The following CEP112 variants were observed in gnomAD, a reference collection of about 807,000 sequenced individuals.
CEP112 encodes centrosomal protein 112.
CEP112 carries 127 observed loss-of-function variants against 153.0 expected under a neutral mutation model. The ratio of observed to expected loss-of-function variants is 0.83; its 90% CI spans 0.72 to 0.96. CEP112 has a LOEUF of 0.96. CEP112 is among the 40% of genes least tolerant of loss of function. CEP112 has a pLI of 0.00. For missense variants in CEP112, 1,089 were observed against 1,101.2 expected (o/e 0.99, Z 0.16); for synonymous variants, 358 against 374.4 (o/e 0.96, Z 0.51).
At chr17:66,152,162 G>A (rs1000020278) in intron 4 of CEP112, among the ~76,000 whole-genome samples, 2 of 152,120 alleles carry the variant, frequency 1.3e-5, no homozygotes, top group African/African-American at 4.8e-5. Context: ...TGTGTGTAGT[G>A]TGCTAAAGAC....
chr17:65,984,122 T>G (rs1156762084), intron 17 of CEP112, among the ~76,000 whole-genome samples: 2 of 152,312 alleles, frequency 1.3e-5, no homozygotes, highest in East Asian at 3.9e-4. Flanking sequence ...GTGATTTTCT[T>G]TTTAACCATA....
At chr17:65,715,456 A>T (rs939685728) in intron 23 of CEP112, among the ~76,000 whole-genome samples, 11 of 146,530 alleles carry the variant, frequency 7.5e-5, no homozygotes, top group South Asian at 2.2e-4. Context: ...CATAAAAGAA[A>T]TTTTTTTTTT....
intron 21 of CEP112, among the ~76,000 whole-genome samples, chr17:65,821,373 C>A (rs1243215568): frequency 6.7e-6 from 1 of 149,102 alleles, no homozygotes; most frequent in African/African-American, 2.5e-5. Flanking sequence ...TGTAACCAAC[C>A]AATTAAAGGA....
At chr17:65,692,006 C>T (rs1007141469) in intron 23 of CEP112, among the ~76,000 whole-genome samples, 6 of 152,188 alleles carry the variant, frequency 3.9e-5, no homozygotes, top group African/African-American at 7.2e-5. Flanking sequence ...TCTCCAGCCA[C>T]GCTGTGCCGT....
chr17:66,046,549 A>G (rs907536612), intron 12 of CEP112, among the ~76,000 whole-genome samples: 3 of 152,212 alleles, frequency 2.0e-5, no homozygotes, highest in Admixed American at 2.0e-4. Context: ...TATAAGTGAT[A>G]ACATAATTAA....
chr17:65,744,408 T>C (rs983611231), intron 22 of CEP112, among the ~76,000 whole-genome samples: 4 of 152,038 alleles, frequency 2.6e-5, no homozygotes, highest in African/African-American at 4.8e-5. Context: ...CCACCAGGCC[T>C]GGCTAATTTT....
At chr17:65,856,737 A>T (rs2058133323) in intron 20 of CEP112, among the ~76,000 whole-genome samples, 1 of 152,228 alleles carries the variant, frequency 6.6e-6, no homozygotes, top group Admixed American at 6.5e-5. Context: ...TCTTTAAAAA[A>T]TGAGCAAAAA....
In CEP112 at chr17:65,902,284, C is replaced by T; in HGVS notation, c.2031G>A (p.Gln677=). 1 of 1,613,890 alleles carries T rather than the reference C, an allele frequency of 6.2e-7. No homozygotes were observed. The highest frequency in any genetic ancestry group is 8.5e-7 in the Non-Finnish European group (1 of 1,179,962). The stretch of plus-strand genomic sequence containing the variant: ...GGCTATCCTTCTCTGCGTTATGCTG[C>T]TGTAATAGGTGCGTCTTCTCCTGTT... ...EHEQEKTHLL[Q]QHNAEKDSLV... is the part of the protein sequence containing the mutation. The change falls in exon 20 of 27, where the codon CAG becomes CAA. Residue 677 remains glutamine (Q), a synonymous_variant. Coordinates refer to ENST00000535342, the MANE Select transcript of CEP112 (RefSeq NM_001199165.4).
chr17:66,094,952 T>C (rs533320802), intron 8 of CEP112, among the ~76,000 whole-genome samples: 199 of 152,190 alleles, frequency 1.3e-3, no homozygotes, highest in African/African-American at 4.6e-3. Flanking sequence ...TACTGAGATA[T>C]CACGTCACAC....
Position 66,191,656 on chromosome 17 carries a change from T to C in CEP112, c.-9+341A>G, listed in dbSNP as rs1036090904. ...GAGGCCCAGGCCCAGGCCGCGCTCC[T>C]ACCTTGTCCAGGACACAGATTTCCT... On this transcript the variant is annotated intron_variant, in intron 1 of 26. Coordinates refer to ENST00000535342, the MANE Select transcript of CEP112 (RefSeq NM_001199165.4). The surrounding 1 kb of genome is among the most constrained non-coding windows in gnomAD (Gnocchi z 4.2). 6.5e-6 allele frequency: 1 copy of C among 153,162 alleles called. No homozygotes were observed. Among genetic ancestry groups the C allele is most frequent in the African/African-American group, 2.4e-5 (1 of 41,484 alleles). 9.5% of individuals were successfully genotyped at this position (153,162 alleles called of 1,614,324 possible).
intron 20 of CEP112, among the ~76,000 whole-genome samples, chr17:65,878,935 G>C (rs1399085000): frequency 6.6e-6 from 1 of 151,934 alleles, no homozygotes; most frequent in African/African-American, 2.4e-5. Flanking sequence ...AGCCCTTAAG[G>C]GGCCTGAATT....
rs570298863 is a variant in CEP112 at position 65,948,951 on chromosome 17, C to A, written c.1872+12512G>T. ...CCCTACAGCTCTGCTGGCTTTTAAA[C>A]AAAATATTTCTGTAAGAAGAGAAAA... On this transcript the variant is annotated intron_variant, in intron 18 of 26. Transcript: ENST00000535342. Among the ~76,000 whole-genome samples the A allele has an allele frequency of 2.5e-4, 38 of 152,036 alleles. No individual in the cohort carries two copies. In the East Asian group the frequency reaches 6.8e-3, roughly 27 times the overall value.
At chr17:66,086,380 CTTTTTTTTTTTTTTTTTTTTTTTTTTT>C (rs71160531) in intron 8 of CEP112, among the ~76,000 whole-genome samples, 1 of 67,026 alleles carries the variant, frequency 1.5e-5, no homozygotes, top group African/African-American at 6.4e-5. Flanking sequence ...ATTTTCTTTT[CTTTTTTTTTTTTTTTTTTTTTTTTTTT>C]TTTTTTTTTT....
intron 20 of CEP112, among the ~76,000 whole-genome samples, chr17:65,870,014 T>TAAGA (rs754013580): frequency 0.053 from 2,374 of 44,606 alleles, 139 homozygotes; most frequent in African/African-American, 0.063. Flanking sequence ...AGGTAGAGAA[T>TAAGA]AAGAAAGAAA....
intron 20 of CEP112, among the ~76,000 whole-genome samples, chr17:65,876,854 A>C (rs2146550884): frequency 6.6e-6 from 1 of 152,234 alleles, no homozygotes; most frequent in Non-Finnish European, 1.5e-5. Context: ...TTACATTTTC[A>C]GAGCAGCCTG....
At chr17:65,766,707 T>TAAAA (rs139229209) in intron 21 of CEP112, among the ~76,000 whole-genome samples, 1 of 140,354 alleles carries the variant, frequency 7.1e-6, no homozygotes, top group Non-Finnish European at 1.6e-5. Context: ...ACGCAAATGG[T>TAAAA]AAAAAAAAAA....
chr17:65,656,068 G>A (rs530408503), intron 24 of CEP112, among the ~76,000 whole-genome samples: 1 of 152,290 alleles, frequency 6.6e-6, no homozygotes, highest in South Asian at 2.1e-4. Context: ...AAGGGTCAGG[G>A]GTAGAGTATG....
chr17:65,965,518 C>CCTTTTTTTTTTTT (rs1555734627), intron 17 of CEP112, among the ~76,000 whole-genome samples: 1 of 122,090 alleles, frequency 8.2e-6, no homozygotes, highest in Non-Finnish European at 1.7e-5. Flanking sequence ...CTTCTGCCCC[C>CCTTTTTTTTTTTT]TTTTTTTTTT....
intron 21 of CEP112, among the ~76,000 whole-genome samples, chr17:65,796,856 A>G (rs1015539418): frequency 1.6e-4 from 24 of 147,358 alleles, no homozygotes; most frequent in Non-Finnish European, 2.7e-4. Context: ...AATATGGTAA[A>G]ACCCCATCTC....
Sources: allele counts gnomAD v4.1 joint callset (sites outside exome capture counted in the v4.1 genomes callset), GRCh38; gene constraint gnomAD v4.1.1; non-coding constraint Gnocchi (gnomAD v3.1); transcripts MANE v1.5; gene names NCBI Gene and HGNC (gene_info 2026-07-23, HGNC 2026-07-21).